Variants in PLCB4 observed in about 807,000 individuals in gnomAD.
PLCB4 encodes the protein phospholipase C beta 4, also known as 1-phosphatidylinositol 4,5-bisphosphate phosphodiesterase beta-4.
Under a neutral mutation model 178.8 loss-of-function variants are expected in PLCB4, and 77 were observed. The ratio of observed to expected loss-of-function variants is 0.43; its 90% confidence interval spans 0.36 to 0.52. The LOEUF (loss-of-function observed/expected upper bound fraction) is 0.52. PLCB4 is among the 20% of genes least tolerant of loss of function. PLCB4 has a pLI of 0.00. For synonymous variants in PLCB4, 496 were observed against 490.8 expected (o/e 1.01, Z -0.14); for missense variants, 1,024 against 1,453.4 (o/e 0.70, Z 4.80).
intron 1 of PLCB4, among the ~76,000 whole-genome samples, chr20:9,071,033 T>C (rs1473792406): frequency 6.6e-6 from 1 of 152,214 alleles, no homozygotes; most frequent in Non-Finnish European, 1.5e-5. Context: ...TATATTTATA[T>C]GCCTGAAAAT....
At chr20:9,301,794 C>T (rs1462088612) in intron 3 of PLCB4, among the ~76,000 whole-genome samples, 3 of 152,066 alleles carry the variant, frequency 2.0e-5, no homozygotes, top group Non-Finnish European at 4.4e-5. Flanking sequence ...TTTCTTGTCC[C>T]CCGCTTCCAA....
At chr20:9,110,018 C>T (rs1171321296) in intron 2 of PLCB4, among the ~76,000 whole-genome samples, 1 of 152,002 alleles carries the variant, frequency 6.6e-6, no homozygotes, top group Non-Finnish European at 1.5e-5. Context: ...TGGACAAGTT[C>T]CCACAGAGAA....
intron 2 of PLCB4, among the ~76,000 whole-genome samples, chr20:9,105,454 A>T (rs1002420434): frequency 3.3e-5 from 5 of 152,208 alleles, no homozygotes; most frequent in Non-Finnish European, 5.9e-5. Flanking sequence ...TTCTATCAAA[A>T]CTAGGGAACT....
At chr20:9,447,375 G>C (rs961860837) in intron 32 of PLCB4, among the ~76,000 whole-genome samples, 1 of 152,146 alleles carries the variant, frequency 6.6e-6, no homozygotes, top group African/African-American at 2.4e-5. Flanking sequence ...GCTGATTTAG[G>C]TCAGCCTCTG....
intron 2 of PLCB4, among the ~76,000 whole-genome samples, chr20:9,191,006 A>T (rs544050225): frequency 4.6e-5 from 7 of 152,192 alleles, no homozygotes; most frequent in African/African-American, 1.7e-4. Flanking sequence ...AAGTAATAGT[A>T]TAGTATTTTA....
intron 3 of PLCB4, among the ~76,000 whole-genome samples, chr20:9,235,423 A>G (rs1208978449): frequency 6.6e-6 from 1 of 152,238 alleles, no homozygotes; most frequent in Non-Finnish European, 1.5e-5. Context: ...ATAGTATTAT[A>G]GAAAAATGTA....
At chr20:9,417,570 A>G (rs1235387635) in intron 25 of PLCB4, among the ~76,000 whole-genome samples, 1 of 152,152 alleles carries the variant, frequency 6.6e-6, no homozygotes, top group African/African-American at 2.4e-5. Flanking sequence ...CATTGTATGG[A>G]TATACCATGT....
At chr20:9,118,538 T>C (rs2091859045) in intron 2 of PLCB4, among the ~76,000 whole-genome samples, 1 of 152,134 alleles carries the variant, frequency 6.6e-6, no homozygotes, top group African/African-American at 2.4e-5. Flanking sequence ...CTTTTTTTAA[T>C]TAAGTCTTCA....
intron 2 of PLCB4, among the ~76,000 whole-genome samples, chr20:9,216,459 C>T (rs1028103788): frequency 1.3e-4 from 20 of 152,040 alleles, no homozygotes; most frequent in South Asian, 2.1e-4. Context: ...CCTCGTGATC[C>T]GCCCGCCTCG....
At chr20:9,128,696 C>A (rs1600604061) in intron 2 of PLCB4, among the ~76,000 whole-genome samples, 1 of 152,192 alleles carries the variant, frequency 6.6e-6, no homozygotes, top group East Asian at 1.9e-4. Flanking sequence ...CCAGTCTTAA[C>A]CATTTTTTAA....
chr20:9,303,834 A>G (rs1412113625), intron 3 of PLCB4, among the ~76,000 whole-genome samples: 1 of 152,170 alleles, frequency 6.6e-6, no homozygotes, highest in Non-Finnish European at 1.5e-5. Context: ...ACTTTGAAAG[A>G]TATATACTTT....
At position 9,350,831 on chromosome 20, in the gene PLCB4, T is replaced by C. The variant is rs143537151; in HGVS notation, c.369+11794T>C. 1.1e-4 allele frequency among the ~76,000 whole-genome samples: 17 copies of C among 152,348 alleles called. No homozygotes were observed. In the East Asian group the frequency reaches 3.3e-3, roughly 29 times the overall value. ...ACCTCGGCCTCCCAAAGTGTTGGGT[T>C]ACAGGCGTGAGCCACCGTGCACAGC... On this transcript the variant is annotated intron_variant, in intron 7 of 39. Transcript: ENST00000378473.
intron 3 of PLCB4, among the ~76,000 whole-genome samples, 161 bp downstream of exon 3, chr20:9,217,613 A>G (rs959881967): frequency 3.3e-5 from 5 of 152,208 alleles, no homozygotes; most frequent in African/African-American, 4.8e-5. Flanking sequence ...ATTAAGCAGG[A>G]TCTCCCAGCA....
At chr20:9,366,826 A>G (rs1309837440) in intron 9 of PLCB4, among the ~76,000 whole-genome samples, 1 of 152,246 alleles carries the variant, frequency 6.6e-6, no homozygotes, top group African/African-American at 2.4e-5. Context: ...CTCCAGACTC[A>G]GGTTCATGTT....
intron 3 of PLCB4, among the ~76,000 whole-genome samples, chr20:9,247,769 G>C (rs2094140193): frequency 6.6e-6 from 1 of 152,138 alleles, no homozygotes; most frequent in South Asian, 2.1e-4. Context: ...TGAGGAGGCA[G>C]GTGCTCCAGG....
intron 3 of PLCB4, among the ~76,000 whole-genome samples, chr20:9,243,400 G>T (rs1250093213): frequency 2.0e-5 from 3 of 152,212 alleles, no homozygotes; most frequent in African/African-American, 7.2e-5. Context: ...GCCAATAAAT[G>T]ACTTCAGTGG....
rs367983011 is a variant in PLCB4 at position 9,438,857 on chromosome 20, G to T, written c.2764+1705G>T. ...GAGACATAATTTAAGACATAAAATG[G>T]TTGTTCTGGAGGACAGTAGCATGTT... On this transcript the variant is annotated intron_variant, in intron 30 of 39. Coordinates refer to ENST00000378473, the MANE Select transcript of PLCB4 (RefSeq NM_001377142.1). Among the ~76,000 whole-genome samples the T allele has an allele frequency of 4.3e-4, 65 of 152,264 alleles. No homozygotes were observed. The South Asian group carries it at 0.013, about 31-fold the overall frequency.
intron 1 of PLCB4, among the ~76,000 whole-genome samples, chr20:9,072,534 AGTGGATGAGT>A (rs1320479265): frequency 6.6e-6 from 1 of 151,976 alleles, no homozygotes; most frequent in South Asian, 2.1e-4. Flanking sequence ...TGCATTACTG[AGTGGATGAGT>A]GTGATGTTTA....
At chr20:9,118,467 CAT>C (rs35239588) in intron 2 of PLCB4, among the ~76,000 whole-genome samples, 4,451 of 151,670 alleles carry the variant, frequency 0.029, 228 homozygotes, top group African/African-American at 0.1. Context: ...TAAAGCATGA[CAT>C]ATCTAAAATA....
Sources: gnomAD v4.1 joint callset for allele counts (sites outside exome capture counted in the v4.1 genomes callset) on GRCh38, gnomAD v4.1.1 for gene constraint, MANE v1.5 for transcripts, NCBI Gene and HGNC (gene_info 2026-07-23, HGNC 2026-07-21) for gene names.